FOCAD: variants seen among roughly 807,000 people sequenced by gnomAD.
FOCAD encodes KIAA1797.
A neutral mutation model predicts 225.6 loss-of-function variants in FOCAD; 198 were observed. The observed-to-expected ratio is 0.88, with a 90% CI of 0.78 to 0.99. The LOEUF (loss-of-function observed/expected upper bound fraction) is 0.99, where lower values mean the gene tolerates loss of function less well. FOCAD is among the 50% of genes least tolerant of loss of function. FOCAD has a pLI of 0.00. For synonymous variants in FOCAD, 897 were observed against 755.0 expected (o/e 1.19, Z -3.08); for missense variants, 2,713 against 2,123.6 (o/e 1.28, Z -5.46).
chr9:20,712,522 A>T (rs959553519), intron 1 of FOCAD, among the ~76,000 whole-genome samples: 2 of 63,428 alleles, frequency 3.2e-5, no homozygotes, highest in African/African-American at 5.4e-5. Flanking sequence ...AGCTGAGCCC[A>T]GTGGTGGTGG....
intron 15 of FOCAD, among the ~76,000 whole-genome samples, chr9:20,839,472 G>A (rs1249863281): frequency 6.6e-6 from 1 of 151,672 alleles, no homozygotes; most frequent in Non-Finnish European, 1.5e-5. Flanking sequence ...TGTTGCCCAG[G>A]CTGGTTTCAA....
At chr9:20,869,730 T>C (rs1041121544) in intron 18 of FOCAD, among the ~76,000 whole-genome samples, 1 of 152,148 alleles carries the variant, frequency 6.6e-6, no homozygotes, top group African/African-American at 2.4e-5. Flanking sequence ...CTTGCATTGG[T>C]TTAATAATAA....
chr9:20,685,653 C>T (rs546884726), intron 1 of FOCAD, among the ~76,000 whole-genome samples: 10 of 152,290 alleles, frequency 6.6e-5, no homozygotes, highest in Non-Finnish European at 1.0e-4. Flanking sequence ...AAAGCATTTT[C>T]ACTTGCTTTT....
chr9:20,673,917 G>A (rs925277374), intron 2 of FOCAD, among the ~76,000 whole-genome samples: 3 of 152,192 alleles, frequency 2.0e-5, no homozygotes, highest in East Asian at 1.9e-4. Flanking sequence ...TAATTATCAA[G>A]TTGTAAAAGT....
At chr9:20,659,510 C>G (rs939037281) in intron 2 of FOCAD, among the ~76,000 whole-genome samples, 3 of 151,094 alleles carry the variant, frequency 2.0e-5, no homozygotes, top group African/African-American at 2.4e-5. Flanking sequence ...AAGAGACACC[C>G]AGGATGTATG....
intron 15 of FOCAD, among the ~76,000 whole-genome samples, chr9:20,857,171 C>A (rs1014132216): frequency 6.6e-6 from 1 of 151,992 alleles, no homozygotes; most frequent in Non-Finnish European, 1.5e-5. Context: ...CTATAGATTG[C>A]TTTAAGTAAT....
intron 29 of FOCAD, among the ~76,000 whole-genome samples, chr9:20,946,337 G>T (rs1837175822): frequency 6.6e-6 from 1 of 152,128 alleles, no homozygotes; most frequent in African/African-American, 2.4e-5. Context: ...AGCACCCACT[G>T]GTGATGAAAA....
intron 11 of FOCAD, among the ~76,000 whole-genome samples, chr9:20,811,313 C>T (rs1366700934): frequency 6.6e-6 from 1 of 151,928 alleles, no homozygotes; most frequent in Non-Finnish European, 1.5e-5. Flanking sequence ...TTCAGTTTTC[C>T]GTTTGAAATG....
At chr9:20,938,328 C>G (rs1051450986) in intron 28 of FOCAD, among the ~76,000 whole-genome samples, 13 of 152,222 alleles carry the variant, frequency 8.5e-5, no homozygotes, top group African/African-American at 3.1e-4. Flanking sequence ...TTGGAACCAA[C>G]CCAAATGTCC....
chr9:20,839,780 T>C (rs953375236), intron 15 of FOCAD, among the ~76,000 whole-genome samples: 5 of 152,086 alleles, frequency 3.3e-5, no homozygotes, highest in African/African-American at 1.2e-4. Flanking sequence ...ACTTCAAGCA[T>C]TTATCATTTC....
At chr9:20,861,295 T>G (rs901278687) in intron 15 of FOCAD, among the ~76,000 whole-genome samples, 2 of 152,246 alleles carry the variant, frequency 1.3e-5, no homozygotes, top group Non-Finnish European at 2.9e-5. Context: ...GTGAGTATTA[T>G]GTACCACTCT....
At chr9:20,860,762 C>T (rs756110203) in intron 15 of FOCAD, among the ~76,000 whole-genome samples, 18 of 152,198 alleles carry the variant, frequency 1.2e-4, no homozygotes, top group Non-Finnish European at 1.8e-4. Context: ...CCACCCACCT[C>T]GGCCTCCCAA....
At chr9:20,995,360 T>TAAA (rs371481104) in intron 43 of FOCAD, among the ~76,000 whole-genome samples, 196 bp from the exon 44 acceptor site, 7 of 52,490 alleles carry the variant, frequency 1.3e-4, no homozygotes, top group South Asian at 5.3e-4. Context: ...CAGGGTAACT[T>TAAA]AAAAAAAAAA....
chr9:20,884,854 G>T (rs145385149), intron 20 of FOCAD, among the ~76,000 whole-genome samples: 2 of 151,958 alleles, frequency 1.3e-5, no homozygotes, highest in African/African-American at 4.8e-5. Flanking sequence ...GAGGTCAGCA[G>T]TTAGAGACCA....
chr9:20,696,221 TC>T (rs1440696987), intron 1 of FOCAD, among the ~76,000 whole-genome samples: 3 of 152,228 alleles, frequency 2.0e-5, no homozygotes, highest in Non-Finnish European at 4.4e-5. Context: ...CAGGCATGTA[TC>T]CTTTGACCAA....
At chr9:20,920,892 A>G (rs1304038425) in intron 24 of FOCAD, among the ~76,000 whole-genome samples, 1 of 151,592 alleles carries the variant, frequency 6.6e-6, no homozygotes, top group Non-Finnish European at 1.5e-5. Context: ...GCAGCACACC[A>G]GCATGGCACA....
At chr9:20,801,937 T>C (rs1161175700) in intron 11 of FOCAD, among the ~76,000 whole-genome samples, 2 of 152,290 alleles carry the variant, frequency 1.3e-5, no homozygotes, top group East Asian at 3.9e-4. Flanking sequence ...CCTTTGTCTG[T>C]TGAGCACACA....
At chr9:20,713,895 T>G (rs2131497229) in intron 1 of FOCAD, among the ~76,000 whole-genome samples, 1 of 152,298 alleles carries the variant, frequency 6.6e-6, no homozygotes, top group Non-Finnish European at 1.5e-5. Context: ...AAGTTAAAAA[T>G]TTTTGACCTG....
chr9:20,934,472 C>T (rs1324222930), intron 28 of FOCAD, among the ~76,000 whole-genome samples: 1 of 151,716 alleles, frequency 6.6e-6, no homozygotes, highest in Non-Finnish European at 1.5e-5. Context: ...ACCAGTTACC[C>T]CCAGCACCAT....
Sources: gnomAD v4.1 joint callset for allele counts (sites outside exome capture counted in the v4.1 genomes callset) on GRCh38, gnomAD v4.1.1 for gene constraint, MANE v1.5 for transcripts, NCBI Gene and HGNC (gene_info 2026-07-23, HGNC 2026-07-21) for gene names.